KAZN: variants seen among roughly 807,000 people sequenced by gnomAD.
KAZN encodes kazrin.
KAZN carries 40 observed loss-of-function variants against 87.4 expected under a neutral mutation model. The ratio of observed to expected loss-of-function variants is 0.46; its 90% CI spans 0.36 to 0.60. The LOEUF (loss-of-function observed/expected upper bound fraction) is 0.60, where lower values mean the gene tolerates loss of function less well. KAZN is among the 20% of genes least tolerant of loss of function. The probability of loss-of-function intolerance (pLI) is 0.00; values close to 1 mark genes in which losing one functional copy is unlikely to be tolerated. For synonymous variants in KAZN, 466 were observed against 458.3 expected (o/e 1.02, Z -0.22); for missense variants, 898 against 1,073.9 (o/e 0.84, Z 2.29).
At chr1:14,705,263 C>T (rs1034159479) in intron 1 of KAZN, among the ~76,000 whole-genome samples, 9 of 152,166 alleles carry the variant, frequency 5.9e-5, no homozygotes, top group African/African-American at 2.2e-4. Context: ...CCCTCACAGC[C>T]TCATTTTAAC....
chr1:15,101,498 C>T (rs1219785860), intron 10 of KAZN, 45 bp from the exon 11 acceptor site: 8 of 1,369,400 alleles, frequency 5.8e-6, no homozygotes, highest in East Asian at 2.5e-5. Flanking sequence ...CTGTTTCTGC[C>T]GCCTTTCCCC....
At position 14,514,621 on chromosome 1, in the gene KAZN, A is replaced by ATTTTATATATTTTTTTATATTT. The variant is rs1557770580; in HGVS notation, c.250-84361_250-84360insTTTATATATTTTTTTATATTTT. Among the ~76,000 whole-genome samples, 266 of 43,354 alleles carry ATTTTATATATTTTTTTATATTT rather than the reference A, an allele frequency of 6.1e-3. 2 individuals are homozygous for ATTTTATATATTTTTTTATATTT. Among genetic ancestry groups the ATTTTATATATTTTTTTATATTT allele is most frequent in the African/African-American group, 0.014 (166 of 12,166 alleles). 28.4% of individuals were successfully genotyped at this position (43,354 alleles called of 152,430 possible). A position where few individuals can be genotyped will look rare whatever the true frequency, so the allele number is the denominator to read the frequency against. On this transcript the variant is annotated intron_variant, in intron 2 of 16. Transcript: ENST00000636203. ...TATATATATATATATATATATATAT[A>ATTTTATATATTTTTTTATATTT]TATATATATATATATATATCTCAAA...
chr1:14,754,963 C>T (rs759317755), intron 1 of KAZN, among the ~76,000 whole-genome samples: 2 of 151,934 alleles, frequency 1.3e-5, no homozygotes, highest in African/African-American at 4.8e-5. Context: ...CTCGCATGAC[C>T]GGGCCCAGTG....
chr1:14,595,680 C>CAAAAAAAAAAAAAAAAAA (rs34080804), upstream of KAZN, among the ~76,000 whole-genome samples: 2 of 96,694 alleles, frequency 2.1e-5, no homozygotes, highest in African/African-American at 9.0e-5. Flanking sequence ...GACTGCGTCT[C>CAAAAAAAAAAAAAAAAAA]AAAAAAAAAA....
At chr1:14,628,249 G>A (rs1392495411) in intron 1 of KAZN, among the ~76,000 whole-genome samples, 3 of 152,086 alleles carry the variant, frequency 2.0e-5, no homozygotes, top group South Asian at 2.1e-4. Flanking sequence ...ACCTTTTGTC[G>A]GCGGAGTAAT....
chr1:14,538,981 C>T (rs568715770), intron 2 of KAZN, among the ~76,000 whole-genome samples: 1 of 152,238 alleles, frequency 6.6e-6, no homozygotes, highest in African/African-American at 2.4e-5. Flanking sequence ...GGAGGAGGTC[C>T]TCGGCACAGT....
intron 1 of KAZN, among the ~76,000 whole-genome samples, chr1:14,608,244 G>T (rs960781661): frequency 1.3e-5 from 2 of 151,862 alleles, no homozygotes; most frequent in Admixed American, 1.3e-4. Flanking sequence ...CTTCTTCCTC[G>T]CTTCTCTCTG....
intron 2 of KAZN, among the ~76,000 whole-genome samples, chr1:14,211,945 C>G (rs775948925): frequency 6.6e-6 from 1 of 152,122 alleles, no homozygotes; most frequent in Admixed American, 6.5e-5. Flanking sequence ...TATCCCCCAG[C>G]CTGGTTCCCA....
intron 1 of KAZN, among the ~76,000 whole-genome samples, chr1:14,093,000 G>A (rs1345243966): frequency 6.6e-6 from 1 of 152,158 alleles, no homozygotes; most frequent in Non-Finnish European, 1.5e-5. Flanking sequence ...GCCTTCCCCT[G>A]TGGTGCCTTT....
chr1:14,144,158 T>C (rs61777760), intron 1 of KAZN, among the ~76,000 whole-genome samples: 3,898 of 152,314 alleles, frequency 0.026, 91 homozygotes, highest in South Asian at 0.046. Flanking sequence ...CTTTCCTCCT[T>C]CTCCTCAACT....
At chr1:15,109,356 G>A (rs1351365904) in intron 13 of KAZN, among the ~76,000 whole-genome samples, 8 of 152,104 alleles carry the variant, frequency 5.3e-5, no homozygotes, top group African/African-American at 1.2e-4. Flanking sequence ...GCAACAGAGC[G>A]AGACCCTCGC....
intron 2 of KAZN, among the ~76,000 whole-genome samples, chr1:14,391,200 C>A (rs1196657650): frequency 2.0e-5 from 3 of 152,182 alleles, no homozygotes; most frequent in African/African-American, 7.2e-5. Flanking sequence ...AGCAGCTGTG[C>A]CACACTCCCT....
At chr1:14,578,409 GGAGAA>G (rs1412187412) in intron 2 of KAZN, among the ~76,000 whole-genome samples, 5 of 145,984 alleles carry the variant, frequency 3.4e-5, no homozygotes, top group Non-Finnish European at 7.6e-5. Context: ...AATGAGGAGA[GGAGAA>G]AAGAATTTAA....
At chr1:14,353,527 T>A (rs968009280) in intron 2 of KAZN, among the ~76,000 whole-genome samples, 1 of 152,164 alleles carries the variant, frequency 6.6e-6, no homozygotes, top group Non-Finnish European at 1.5e-5. Flanking sequence ...CCGACGTCAC[T>A]TTCTATGTAG....
At chr1:14,338,122 GTC>G (rs1365831465) in intron 2 of KAZN, among the ~76,000 whole-genome samples, 1 of 152,030 alleles carries the variant, frequency 6.6e-6, no homozygotes, top group African/African-American at 2.4e-5. Context: ...AAAGAGACCT[GTC>G]TCTCTTCTGA....
intron 2 of KAZN, among the ~76,000 whole-genome samples, chr1:14,414,613 C>CGTGT (rs35972093): frequency 6.6e-6 from 1 of 150,806 alleles, no homozygotes; most frequent in African/African-American, 2.4e-5. Flanking sequence ...ATGCACATAC[C>CGTGT]GTGTGTGTGT....
chr1:14,434,083 T>C (rs1231818110), intron 2 of KAZN, among the ~76,000 whole-genome samples: 1 of 152,190 alleles, frequency 6.6e-6, no homozygotes, highest in Non-Finnish European at 1.5e-5. Context: ...TGCATGGTAT[T>C]TTGTTGTGGC....
intron 1 of KAZN, among the ~76,000 whole-genome samples, chr1:14,034,038 A>C (rs772646812): frequency 2.1e-4 from 32 of 152,256 alleles, no homozygotes; most frequent in Non-Finnish European, 4.1e-4. Context: ...TGGGCGCAGC[A>C]AGGCTGTTGT....
chr1:14,523,566 T>C (rs1466642510), intron 2 of KAZN, among the ~76,000 whole-genome samples: 1 of 152,252 alleles, frequency 6.6e-6, no homozygotes, highest in Admixed American at 6.5e-5. Context: ...CCCAGCTTTT[T>C]TGCTGCTCCA....
Sources: gnomAD v4.1 joint callset for allele counts (sites outside exome capture counted in the v4.1 genomes callset) on GRCh38, gnomAD v4.1.1 for gene constraint, MANE v1.5 for transcripts, NCBI Gene and HGNC (gene_info 2026-07-23, HGNC 2026-07-21) for gene names.